Variants in DISP1 observed in about 807,000 individuals in gnomAD.
The protein encoded by DISP1 is dispatched RND transporter family member 1, also known as protein dispatched homolog 1.
A neutral mutation model predicts 37.3 loss-of-function variants in DISP1; 30 were observed. The ratio of observed to expected loss-of-function variants is 0.80; its 90% confidence interval spans 0.60 to 1.09. The LOEUF (loss-of-function observed/expected upper bound fraction) is 1.09, where lower values mean the gene tolerates loss of function less well. DISP1 is among the 50% of genes least tolerant of loss of function. DISP1 has a pLI of 0.00. For missense variants in DISP1, 1,598 were observed against 1,879.5 expected (o/e 0.85, Z 2.77); for synonymous variants, 634 against 690.2 (o/e 0.92, Z 1.28).
chr1:222,888,719 C>T (rs1300815322), intron 1 of DISP1, among the ~76,000 whole-genome samples: 1 of 152,056 alleles, frequency 6.6e-6, no homozygotes, highest in Non-Finnish European at 1.5e-5. Flanking sequence ...TCGTCTTAAA[C>T]ATCAACAATA....
At position 223,003,012 on chromosome 1, in the gene DISP1, T is replaced by G. The variant is rs761454436; in HGVS notation, c.1615T>G (p.Leu539Val). The change falls in exon 9 of 9, where the codon TTG becomes GTG. Residue 539 changes from leucine (L) to valine (V), a missense_variant. Leu to Val is a conservative substitution (Grantham distance 32, BLOSUM62 1). Coordinates refer to ENST00000675850, the MANE Select transcript of DISP1 (RefSeq NM_001377229.1). This position sits in a 1 kb window ranked among gnomAD's most constrained non-coding sequence, Gnocchi z 4.3. ...GACAATGTTTGCAATAATCAGTTCT[T>G]TGATTGTTTCCTATTTTCTCTATCG... ...LMTMFAIISS[L>V]IVSYFLYRVV... 6.2e-7 allele frequency: 1 copy of G among 1,613,972 alleles called. No individual in the cohort carries two copies. Among genetic ancestry groups the G allele is most frequent in the South Asian group, 1.1e-5 (1 of 91,080 alleles).
intron 1 of DISP1, among the ~76,000 whole-genome samples, chr1:222,840,804 C>T (rs759183442): frequency 9.2e-5 from 14 of 151,976 alleles, no homozygotes; most frequent in African/African-American, 2.7e-4. Flanking sequence ...CCTTGTGATC[C>T]GCCCACCTCG....
chr1:222,971,035 ATT>A (rs1021293009), intron 3 of DISP1, among the ~76,000 whole-genome samples: 1 of 151,698 alleles, frequency 6.6e-6, no homozygotes, highest in Non-Finnish European at 1.5e-5. Flanking sequence ...AGTTTAGTTG[ATT>A]TTTTTTCTTT....
intron 1 of DISP1, among the ~76,000 whole-genome samples, chr1:222,896,373 G>T (rs1671257908): frequency 6.6e-6 from 1 of 152,092 alleles, no homozygotes; most frequent in Non-Finnish European, 1.5e-5. Flanking sequence ...GGCCAAAGCA[G>T]GTAGATCACC....
intron 3 of DISP1, among the ~76,000 whole-genome samples, chr1:222,947,535 C>G (rs1170513777): frequency 6.6e-6 from 1 of 152,016 alleles, no homozygotes; most frequent in South Asian, 2.1e-4. Flanking sequence ...CTGTTCAAGT[C>G]CCTGCTTTCA....
chr1:222,923,477 C>T (rs1292933534), intron 1 of DISP1, among the ~76,000 whole-genome samples: 1 of 152,024 alleles, frequency 6.6e-6, no homozygotes, highest in Non-Finnish European at 1.5e-5. Context: ...TGGATAAATA[C>T]AGTAATTAAT....
At chr1:222,850,055 C>A (rs976876371) in intron 1 of DISP1, among the ~76,000 whole-genome samples, 2 of 152,134 alleles carry the variant, frequency 1.3e-5, no homozygotes, top group Non-Finnish European at 2.9e-5. Flanking sequence ...AAACATTTCT[C>A]TGCCTCAGTT....
In DISP1 at chr1:222,847,380, A is replaced by G. The variant is rs146315502; in HGVS notation, c.-159+32302A>G. ...GGTATTTAGAAACAAAGATCTGAAC[A>G]CTGGGTGTGCTCATTGCTATGAACA... On this transcript the variant is annotated intron_variant, in intron 1 of 8. Transcript: ENST00000675850. Among the ~76,000 whole-genome samples the G allele has an allele frequency of 3.5e-3, 529 of 152,306 alleles. 1 individual carries two copies. Among genetic ancestry groups the G allele is most frequent in the Non-Finnish European group, 6.7e-3 (457 of 68,024 alleles).
intron 1 of DISP1, among the ~76,000 whole-genome samples, chr1:222,859,392 A>G (rs61840262): frequency 0.081 from 12,389 of 152,188 alleles, 571 homozygotes; most frequent in Non-Finnish European, 0.098. Context: ...TGGGCTTAAC[A>G]CCTAGGTGAT....
intron 1 of DISP1, among the ~76,000 whole-genome samples, chr1:222,846,124 CTA>C (rs1260790889): frequency 1.3e-5 from 2 of 152,030 alleles, no homozygotes; most frequent in South Asian, 2.1e-4. Flanking sequence ...TGTATGTTGA[CTA>C]TGGATTTTTT....
chr1:222,911,123 T>C (rs1210174832), intron 1 of DISP1, among the ~76,000 whole-genome samples: 1 of 152,216 alleles, frequency 6.6e-6, no homozygotes, highest in Non-Finnish European at 1.5e-5. Flanking sequence ...ATTCTCAAGT[T>C]GTGTTTTCTT....
At chr1:222,983,730 A>G (rs764283235) in intron 4 of DISP1, among the ~76,000 whole-genome samples, 38 of 152,322 alleles carry the variant, frequency 2.5e-4, no homozygotes, top group Admixed American at 5.2e-4. Context: ...GCCAACTACC[A>G]TGACTCGAAT....
rs1336026539 is a variant in DISP1 at position 222,893,879 on chromosome 1, C to T, written c.-158-34551C>T. The stretch of plus-strand genomic sequence containing the variant: ...TTCAGCAGGTCCTAAGTTCTTGTCC[C>T]GTGTCCAGGAATAATGAGGTACATG... On this transcript the variant is annotated intron_variant, in intron 1 of 8. Transcript: ENST00000675850. The surrounding 1 kb of genome is among the most constrained non-coding windows in gnomAD (Gnocchi z 4.3). Among the ~76,000 whole-genome samples, 2 of 152,158 alleles carry T rather than the reference C, an allele frequency of 1.3e-5. No individual in the cohort carries two copies. The highest frequency in any genetic ancestry group is 2.4e-5 in the African/African-American group (1 of 41,420).
Position 223,005,483 on chromosome 1 carries a change from C to T in DISP1, c.4086C>T (p.His1362=), listed in dbSNP as rs919513368. 4 of 1,613,922 alleles carry T rather than the reference C, an allele frequency of 2.5e-6. No homozygotes were observed. The East Asian group carries it at 8.9e-5, about 36-fold the overall frequency. ...PRNFFLHPVQ[H]IQAQEKIGKT... ...ATTTTTTCCTCCACCCAGTGCAGCA[C>T]ATTCAGGCCCAAGAAAAAATTGGCA... Residue 1362 remains histidine (H), a synonymous_variant, in exon 9 of 9, where the codon CAC becomes CAT. Transcript: ENST00000675850.
chr1:222,982,932 G>A, intron 3 of DISP1, 148 bp from the exon 4 acceptor site: 1 of 657,762 alleles, frequency 1.5e-6, no homozygotes, highest in Non-Finnish European at 2.6e-6. Flanking sequence ...CTCTCAAATA[G>A]ATTGCCTTTT....
intron 2 of DISP1, among the ~76,000 whole-genome samples, chr1:222,941,174 GT>G (rs1167299814): frequency 2.0e-5 from 3 of 152,160 alleles, no homozygotes; most frequent in Non-Finnish European, 2.9e-5. Flanking sequence ...TTGCCGGTCA[GT>G]ATATCTACCC....
At chr1:222,891,613 G>GA (rs1486730931) in intron 1 of DISP1, among the ~76,000 whole-genome samples, 2 of 152,162 alleles carry the variant, frequency 1.3e-5, no homozygotes, top group African/African-American at 2.4e-5. Context: ...TATGCAGTAA[G>GA]AAAAAGTAGA....
At chr1:222,995,075 A>G in intron 8 of DISP1, 93 bp downstream of exon 8, 1 of 1,039,938 alleles carries the variant, frequency 9.6e-7, no homozygotes, top group Non-Finnish European at 1.5e-6. Context: ...TGATCAGATG[A>G]AAGTACTTCA....
chr1:222,996,729 G>C (rs956675142), intron 8 of DISP1, among the ~76,000 whole-genome samples: 27 of 152,182 alleles, frequency 1.8e-4, no homozygotes, highest in African/African-American at 6.5e-4. Context: ...TTGGTCAGGG[G>C]CACTTCCAGG....
Sources: allele counts gnomAD v4.1 joint callset (sites outside exome capture counted in the v4.1 genomes callset), GRCh38; gene constraint gnomAD v4.1.1; non-coding constraint Gnocchi (gnomAD v3.1); transcripts MANE v1.5; gene names NCBI Gene and HGNC (gene_info 2026-07-23, HGNC 2026-07-21).